FYB1: variants seen among roughly 807,000 people sequenced by gnomAD.
FYB1 encodes FYN-binding protein 1.
FYB1 carries 41 observed loss-of-function variants against 94.1 expected under a neutral mutation model. The observed-to-expected ratio is 0.44, with a 90% CI of 0.34 to 0.57. FYB1 has a LOEUF of 0.57. FYB1 is among the 20% of genes least tolerant of loss of function. The pLI, the probability that FYB1 is intolerant of heterozygous loss-of-function variation, is 0.02. For missense variants in FYB1, 1,050 were observed against 976.8 expected, an observed-to-expected ratio of 1.07 and a Z score of -1.00; for synonymous variants, 367 against 353.2, an observed-to-expected ratio of 1.04 and a Z score of -0.44.
intron 2 of FYB1, among the ~76,000 whole-genome samples, chr5:39,183,310 T>C (rs894310854): frequency 5.3e-5 from 8 of 152,236 alleles, no homozygotes; most frequent in Non-Finnish European, 1.0e-4. Context: ...TAAGGTACGA[T>C]TAAGCTCTAA....
intron 1 of FYB1, among the ~76,000 whole-genome samples, chr5:39,239,193 A>T (rs1355161951): frequency 2.0e-5 from 3 of 152,174 alleles, no homozygotes; most frequent in Admixed American, 2.0e-4. Context: ...TGGCCAGCCC[A>T]CAGCCAACAT....
chr5:39,110,320 T>C (rs1468101417), intron 17 of FYB1, 36 bp downstream of exon 17: 3 of 1,429,442 alleles, frequency 2.1e-6, no homozygotes, highest in African/African-American at 1.4e-5. Context: ...ACAAAATTCT[T>C]TTCACAAGCA....
In FYB1 at chr5:39,153,579, G is replaced by A; in HGVS notation, c.1161C>T (p.Tyr387=). ...GNSTSKGQTS[Y]STTSLPPPPP... Reference sequence around the variant, plus strand: ...GAGGTGGTGGCAGGGAAGTTGTTGAGTAAGACGTCTGGCCTTTGCTAGTAC... The same window carrying A: ...GAGGTGGTGGCAGGGAAGTTGTTGAATAAGACGTCTGGCCTTTGCTAGTAC... The change falls in exon 3 of 19, where the codon TAC becomes TAT. Residue 387 remains tyrosine, a synonymous_variant. Coordinates refer to ENST00000512982, the MANE Select transcript of FYB1 (RefSeq NM_001465.6). The A allele has an allele frequency of 6.2e-7, 1 of 1,613,720 alleles. No individual in the cohort carries two copies. Among genetic ancestry groups the A allele is most frequent in the South Asian group, 1.1e-5 (1 of 91,056 alleles).
chr5:39,179,927 G>A (rs1334546200), intron 2 of FYB1, among the ~76,000 whole-genome samples: 1 of 152,108 alleles, frequency 6.6e-6, no homozygotes, highest in African/African-American at 2.4e-5. Flanking sequence ...ATCAGTTCCA[G>A]TAGGAAGTCT....
chr5:39,174,919 A>G (rs142133011), intron 2 of FYB1, among the ~76,000 whole-genome samples: 405 of 152,350 alleles, frequency 2.7e-3, no homozygotes, highest in African/African-American at 9.6e-3. Flanking sequence ...GAACAGAAGC[A>G]GGGAGACCTC....
intron 2 of FYB1, among the ~76,000 whole-genome samples, chr5:39,173,280 C>A (rs1463248239): frequency 6.6e-6 from 1 of 152,090 alleles, no homozygotes; most frequent in African/African-American, 2.4e-5. Flanking sequence ...ATGTTCTTTG[C>A]CCATTTTTTA....
At chr5:39,211,915 T>C (rs1296218225) in intron 1 of FYB1, among the ~76,000 whole-genome samples, 2 of 152,104 alleles carry the variant, frequency 1.3e-5, no homozygotes, top group Non-Finnish European at 1.5e-5. Flanking sequence ...AATGAGGCTA[T>C]CTGTGGGGTT....
chr5:39,250,239 G>C (rs1188630677), intron 1 of FYB1, among the ~76,000 whole-genome samples: 1 of 152,218 alleles, frequency 6.6e-6, no homozygotes, highest in Non-Finnish European at 1.5e-5. Flanking sequence ...AGTCTTGAGA[G>C]AAGCAGAGAA....
chr5:39,229,162 T>C (rs774572686), intron 1 of FYB1, among the ~76,000 whole-genome samples: 4 of 152,034 alleles, frequency 2.6e-5, no homozygotes, highest in Non-Finnish European at 4.4e-5. Flanking sequence ...ACCCAGGGAA[T>C]AGTGGATGAA....
intron 2 of FYB1, among the ~76,000 whole-genome samples, chr5:39,153,929 A>G (rs1340130947): frequency 6.6e-6 from 1 of 151,904 alleles, no homozygotes; most frequent in Non-Finnish European, 1.5e-5. Context: ...GTGCACCACA[A>G]TGCCCATCTA....
intron 17 of FYB1, 111 bp downstream of exon 17, chr5:39,110,245 T>A: frequency 1.6e-6 from 1 of 637,998 alleles, no homozygotes. Context: ...TTTTTAAATT[T>A]ATTTATGATA....
rs201397001 is a variant in FYB1 at position 39,185,524 on chromosome 5, A to AT, written c.1135+16301_1135+16302insA. ...TAGAAAAGATAACTGACTAAAAAAA[A>AT]AATATATATATATATATGATATATA... On this transcript the variant is annotated intron_variant, in intron 2 of 18. Coordinates refer to ENST00000512982, the MANE Select transcript of FYB1 (RefSeq NM_001465.6). Among the ~76,000 whole-genome samples, 865 of 137,692 alleles carry AT rather than the reference A, an allele frequency of 6.3e-3. 6 individuals carry two copies. The highest frequency in any genetic ancestry group is 0.021 in the African/African-American group (733 of 35,038). The allele number at this position is 137,692 out of a possible 152,430, so 90.3% of individuals were successfully genotyped here.
chr5:39,168,186 A>C (rs974064681), intron 2 of FYB1, among the ~76,000 whole-genome samples: 7 of 152,068 alleles, frequency 4.6e-5, no homozygotes, highest in African/African-American at 1.4e-4. Context: ...TTCATATTCC[A>C]TTTTTAATTA....
At chr5:39,135,287 G>T (rs1046449034) in intron 7 of FYB1, among the ~76,000 whole-genome samples, 1 of 152,150 alleles carries the variant, frequency 6.6e-6, no homozygotes, top group South Asian at 2.1e-4. Context: ...TTCTGCAAGA[G>T]GCCTGCAAAG....
chr5:39,188,134 T>C (rs1747016183), intron 2 of FYB1, among the ~76,000 whole-genome samples: 1 of 152,072 alleles, frequency 6.6e-6, no homozygotes, highest in Admixed American at 6.6e-5. Context: ...GGCCCCGATA[T>C]CCCTCAGGAA....
intron 10 of FYB1, among the ~76,000 whole-genome samples, chr5:39,128,437 C>T (rs1420690697): frequency 3.3e-5 from 5 of 152,058 alleles, no homozygotes; most frequent in African/African-American, 1.2e-4. Flanking sequence ...AGTATGAGAA[C>T]TTTAGCACTG....
chr5:39,197,554 A>G (rs1015299789), intron 2 of FYB1, among the ~76,000 whole-genome samples: 2 of 152,230 alleles, frequency 1.3e-5, no homozygotes, highest in Non-Finnish European at 2.9e-5. Context: ...GAGCAAATCC[A>G]TTGGCCACAT....
chr5:39,196,393 C>T (rs1464475806), intron 2 of FYB1, among the ~76,000 whole-genome samples: 1 of 151,812 alleles, frequency 6.6e-6, no homozygotes, highest in Admixed American at 6.6e-5. Context: ...TGGGGTTTCG[C>T]CATGTTGGCC....
intron 1 of FYB1, 99 bp downstream of exon 1, chr5:39,219,344 A>T (rs1750116857): frequency 9.8e-6 from 7 of 713,338 alleles, no homozygotes; most frequent in Non-Finnish European, 1.0e-5. Flanking sequence ...TTATTCAGCT[A>T]GCACAGTCTG....
Sources: gnomAD v4.1 joint callset for allele counts (sites outside exome capture counted in the v4.1 genomes callset) on GRCh38, gnomAD v4.1.1 for gene constraint, MANE v1.5 for transcripts, NCBI Gene and HGNC (gene_info 2026-07-23, HGNC 2026-07-21) for gene names.